TEAD1: variants seen among roughly 807,000 people sequenced by gnomAD.
TEAD1 encodes transcriptional enhancer factor TEF-1.
Under a neutral mutation model 54.9 loss-of-function variants are expected in TEAD1, and 9 were observed. The observed-to-expected ratio is 0.16, with a 90% CI of 0.10 to 0.29. The LOEUF is 0.29. TEAD1 is among the 10% of genes least tolerant of loss of function. The pLI, the probability that TEAD1 is intolerant of heterozygous loss-of-function variation, is 1.00. For synonymous variants in TEAD1, 200 were observed against 187.8 expected (o/e 1.07, Z -0.53); for missense variants, 387 against 535.9 (o/e 0.72, Z 2.74).
At chr11:12,763,299 A>G (rs1945137169) in intron 2 of TEAD1, among the ~76,000 whole-genome samples, 1 of 152,228 alleles carries the variant, frequency 6.6e-6, no homozygotes, top group Non-Finnish European at 1.5e-5. Context: ...CACAGTTTTC[A>G]TGTGATCAGG....
At chr11:12,783,658 A>G (rs1364703828) in intron 3 of TEAD1, among the ~76,000 whole-genome samples, 1 of 152,138 alleles carries the variant, frequency 6.6e-6, no homozygotes, top group Non-Finnish European at 1.5e-5. Context: ...TCCATGTCTG[A>G]TTGCTAAGAC....
chr11:12,917,197 G>A lies in TEAD1; in HGVS notation c.874-7715G>A, dbSNP rs184709864. 9.2e-5 allele frequency among the ~76,000 whole-genome samples: 14 copies of A among 152,276 alleles called. No homozygotes were observed. In the East Asian group the frequency reaches 1.4e-3, roughly 15 times the overall value. The stretch of plus-strand genomic sequence containing the variant: ...GACAAAAAAAGACATCCAGAGAGAC[G>A]ACAGCTGGCAATGTGAGAAGGATTC... On this transcript the variant is annotated intron_variant, in intron 10 of 12. Coordinates refer to ENST00000527636, the MANE Select transcript of TEAD1 (RefSeq NM_021961.6).
chr11:12,821,503 G>T (rs1188833403), intron 3 of TEAD1, among the ~76,000 whole-genome samples: 1 of 152,128 alleles, frequency 6.6e-6, no homozygotes, highest in African/African-American at 2.4e-5. Context: ...CTTTGTCAGC[G>T]CTTAGTTTCT....
At chr11:12,871,954 C>T (rs1040109520) in intron 5 of TEAD1, among the ~76,000 whole-genome samples, 1 of 152,150 alleles carries the variant, frequency 6.6e-6, no homozygotes, top group Non-Finnish European at 1.5e-5. Context: ...TGATTATGTC[C>T]AGTCGCCGGT....
chr11:12,782,817 C>A (rs1256915682), intron 3 of TEAD1, among the ~76,000 whole-genome samples: 3 of 152,148 alleles, frequency 2.0e-5, no homozygotes, highest in Non-Finnish European at 4.4e-5. Context: ...CAAGTTAACT[C>A]AGATACCAGG....
chr11:12,762,082 A>G (rs990032728), intron 2 of TEAD1, among the ~76,000 whole-genome samples: 4 of 152,142 alleles, frequency 2.6e-5, no homozygotes, highest in African/African-American at 9.7e-5. Flanking sequence ...TGCTATCCTG[A>G]CTGAGCACTG....
At chr11:12,855,381 C>T (rs1334026777) in intron 3 of TEAD1, among the ~76,000 whole-genome samples, 1 of 152,046 alleles carries the variant, frequency 6.6e-6, no homozygotes, top group Non-Finnish European at 1.5e-5. Context: ...CCTCTGACTC[C>T]CTGGTTCAAG....
At chr11:12,846,254 C>G (rs1262122472) in intron 3 of TEAD1, among the ~76,000 whole-genome samples, 1 of 151,990 alleles carries the variant, frequency 6.6e-6, no homozygotes, top group Non-Finnish European at 1.5e-5. Flanking sequence ...TCCCCCACCC[C>G]CCAGAGCCTC....
At chr11:12,692,226 A>AC (rs34508218) in intron 2 of TEAD1, among the ~76,000 whole-genome samples, 10 of 151,728 alleles carry the variant, frequency 6.6e-5, no homozygotes, top group African/African-American at 2.2e-4. Context: ...TAGGCCAACC[A>AC]CCCCCCAGTC....
chr11:12,821,506 T>C (rs1450585204), intron 3 of TEAD1, among the ~76,000 whole-genome samples: 1 of 152,224 alleles, frequency 6.6e-6, no homozygotes, highest in Non-Finnish European at 1.5e-5. Flanking sequence ...TGTCAGCGCT[T>C]AGTTTCTCAG....
intron 8 of TEAD1, 142 bp downstream of exon 8, chr11:12,882,099 C>T: frequency 4.6e-6 from 4 of 873,346 alleles, no homozygotes; most frequent in Non-Finnish European, 5.6e-6. Context: ...CCTTGGGTAG[C>T]CTGTAGCTCA....
intron 3 of TEAD1, among the ~76,000 whole-genome samples, chr11:12,789,141 T>C (rs1398307344): frequency 1.3e-5 from 2 of 152,216 alleles, no homozygotes; most frequent in African/African-American, 4.8e-5. Flanking sequence ...TAAAAGTACA[T>C]GCACTTGAGG....
intron 9 of TEAD1, among the ~76,000 whole-genome samples, chr11:12,889,186 T>G (rs1354315261): frequency 6.6e-6 from 1 of 152,076 alleles, no homozygotes; most frequent in African/African-American, 2.4e-5. Flanking sequence ...GGATCTCAAG[T>G]GTTAAGTGTG....
chr11:12,855,125 A>C (rs1228063152), intron 3 of TEAD1, among the ~76,000 whole-genome samples: 2 of 152,184 alleles, frequency 1.3e-5, no homozygotes, highest in Admixed American at 6.5e-5. Context: ...CAGTGTCCAC[A>C]GATACATACC....
At chr11:12,812,827 ACCCCTAATGGT>A (rs1411898242) in intron 3 of TEAD1, among the ~76,000 whole-genome samples, 6 of 152,196 alleles carry the variant, frequency 3.9e-5, no homozygotes, top group African/African-American at 1.4e-4. Context: ...AGAGTAAATC[ACCCCTAATGGT>A]CCTCTCTGCA....
At chr11:12,764,139 G>A in intron 2 of TEAD1, 40 bp from the exon 3 acceptor site, 1 of 1,324,232 alleles carries the variant, frequency 7.6e-7, no homozygotes. Context: ...TATGTTTGTG[G>A]TTACCACATC....
At chr11:12,786,966 CT>C (rs1945690384) in intron 3 of TEAD1, among the ~76,000 whole-genome samples, 1 of 152,122 alleles carries the variant, frequency 6.6e-6, no homozygotes, top group Non-Finnish European at 1.5e-5. Flanking sequence ...TGTTTGAGGA[CT>C]GGTGGGCCTC....
Position 12,776,257 on chromosome 11 carries a change from G to A in TEAD1, c.202+11823G>A, listed in dbSNP as rs183354454. 2.2e-3 allele frequency among the ~76,000 whole-genome samples: 336 copies of A among 152,288 alleles called. 1 individual carries two copies. Among genetic ancestry groups the A allele is most frequent in the African/African-American group, 7.8e-3 (326 of 41,554 alleles). The stretch of plus-strand genomic sequence containing the variant: ...CATAATTCCAACATTCATGTATTAT[G>A]GTAAGATGGTGATGGGAGAGAGAAA... On this transcript the variant is annotated intron_variant, in intron 3 of 12. Transcript: ENST00000527636.
intron 10 of TEAD1, among the ~76,000 whole-genome samples, chr11:12,910,747 C>CTTTTTTTTTTTTTTT (rs5789752): frequency 1.8e-4 from 22 of 119,934 alleles, no homozygotes; most frequent in Non-Finnish European, 2.7e-4. Flanking sequence ...ACTTAATTTG[C>CTTTTTTTTTTTTTTT]TTTTTTTTTT....
Sources: gnomAD v4.1 joint callset for allele counts (sites outside exome capture counted in the v4.1 genomes callset) on GRCh38, gnomAD v4.1.1 for gene constraint, MANE v1.5 for transcripts, NCBI Gene and HGNC (gene_info 2026-07-23, HGNC 2026-07-21) for gene names.